TANC2: variants seen among roughly 807,000 people sequenced by gnomAD.
TANC2 encodes tetratricopeptide repeat, ankyrin repeat and coiled-coil containing 2.
A neutral mutation model predicts 210.5 loss-of-function variants in TANC2; 26 were observed. The ratio of observed to expected loss-of-function variants is 0.12; its 90% CI spans 0.09 to 0.17. The LOEUF is 0.17. Among genes scored for constraint, TANC2 ranks in the 10% least tolerant of loss-of-function variants. TANC2 has a pLI of 1.00. For missense variants in TANC2, 2,129 were observed against 2,608.9 expected, an observed-to-expected ratio of 0.82 and a Z score of 4.01; for synonymous variants, 931 against 967.1, an observed-to-expected ratio of 0.96 and a Z score of 0.69.
At chr17:63,124,603 C>G (rs2038632870) in intron 4 of TANC2, among the ~76,000 whole-genome samples, 1 of 152,188 alleles carries the variant, frequency 6.6e-6, no homozygotes, top group Non-Finnish European at 1.5e-5. Context: ...AAATACACTT[C>G]TTAGAGTTCT....
intron 9 of TANC2, among the ~76,000 whole-genome samples, chr17:63,299,268 A>G (rs1049669952): frequency 1.1e-4 from 16 of 152,146 alleles, no homozygotes; most frequent in African/African-American, 1.7e-4. Flanking sequence ...AATGATTTCT[A>G]TTCCTTTAGG....
At chr17:63,280,296 T>C (rs2044021609) in intron 9 of TANC2, among the ~76,000 whole-genome samples, 1 of 152,100 alleles carries the variant, frequency 6.6e-6, no homozygotes, top group Non-Finnish European at 1.5e-5. Context: ...CAGGATGAAA[T>C]GTACTTTTCA....
chr17:63,102,851 A>G (rs1392342940), intron 4 of TANC2, among the ~76,000 whole-genome samples: 1 of 152,160 alleles, frequency 6.6e-6, no homozygotes, highest in Admixed American at 6.5e-5. Context: ...CAGATTGAAA[A>G]TATTTTTCTT....
chr17:63,239,158 A>G (rs1011375920), intron 8 of TANC2, among the ~76,000 whole-genome samples: 6 of 152,102 alleles, frequency 3.9e-5, no homozygotes, highest in Non-Finnish European at 8.8e-5. Flanking sequence ...TAAAAAAAAA[A>G]AAAAAAGAAA....
At chr17:63,110,763 T>C (rs1217735132) in intron 4 of TANC2, among the ~76,000 whole-genome samples, 1 of 152,198 alleles carries the variant, frequency 6.6e-6, no homozygotes. Flanking sequence ...GCCTTTAAAT[T>C]TCAACACCTG....
chr17:63,208,649 A>G (rs2041794837), intron 7 of TANC2, among the ~76,000 whole-genome samples: 1 of 152,196 alleles, frequency 6.6e-6, no homozygotes, highest in Non-Finnish European at 1.5e-5. Context: ...TAATCCAGGA[A>G]TATATTTTTT....
intron 17 of TANC2, among the ~76,000 whole-genome samples, chr17:63,393,924 C>T (rs572657194): frequency 6.6e-6 from 1 of 151,954 alleles, no homozygotes; most frequent in African/African-American, 2.4e-5. Flanking sequence ...GCACCCACCA[C>T]CACACCCAGC....
chr17:63,095,014 A>AGTAATGTAG (rs1336671395), intron 3 of TANC2, among the ~76,000 whole-genome samples: 4 of 150,700 alleles, frequency 2.7e-5, no homozygotes, highest in African/African-American at 9.8e-5. Flanking sequence ...TTTTTTTTTT[A>AGTAATGTAG]ACTTCATGTT....
At chr17:63,175,073 GA>G (rs1598528939) in intron 5 of TANC2, among the ~76,000 whole-genome samples, 1 of 151,960 alleles carries the variant, frequency 6.6e-6, no homozygotes, top group Admixed American at 6.5e-5. Context: ...ATAATCCAAA[GA>G]AAAAAACTAT....
chr17:63,122,632 G>T (rs1425689217), intron 4 of TANC2, among the ~76,000 whole-genome samples: 9 of 152,104 alleles, frequency 5.9e-5, no homozygotes, highest in Admixed American at 5.9e-4. Flanking sequence ...AGCTACTTGG[G>T]TGGCACAAGA....
At chr17:63,319,372 T>A (rs2045422342) in intron 11 of TANC2, among the ~76,000 whole-genome samples, 1 of 151,992 alleles carries the variant, frequency 6.6e-6, no homozygotes, top group Admixed American at 6.6e-5. Context: ...TGAGACGGAG[T>A]TTCTCTCGGT....
chr17:63,324,794 GGTCAGT>G (rs1439943858), intron 11 of TANC2, among the ~76,000 whole-genome samples: 1 of 152,000 alleles, frequency 6.6e-6, no homozygotes, highest in African/African-American at 2.4e-5. Flanking sequence ...CACTAGAATG[GGTCAGT>G]GTTTAAATGT....
intron 2 of TANC2, among the ~76,000 whole-genome samples, chr17:63,062,673 C>G (rs1408931487): frequency 6.6e-6 from 1 of 152,124 alleles, no homozygotes; most frequent in Non-Finnish European, 1.5e-5. Flanking sequence ...CATTTTGTCT[C>G]ATTTAGATGC....
At chr17:63,069,976 T>C (rs1195173607) in intron 2 of TANC2, among the ~76,000 whole-genome samples, 1 of 152,212 alleles carries the variant, frequency 6.6e-6, no homozygotes. Context: ...AAACTTTTGC[T>C]GGGCTGCTTT....
intron 2 of TANC2, among the ~76,000 whole-genome samples, chr17:63,073,667 T>C (rs2036475611): frequency 6.6e-6 from 1 of 152,156 alleles, no homozygotes. Flanking sequence ...TGTTGATAAC[T>C]TTCCTTCATT....
At chr17:63,235,320 A>AT (rs1476398120) in intron 7 of TANC2, among the ~76,000 whole-genome samples, 1 of 151,996 alleles carries the variant, frequency 6.6e-6, no homozygotes, top group Non-Finnish European at 1.5e-5. Context: ...TAGGTTGTCT[A>AT]TTTTTTAAGA....
intron 9 of TANC2, among the ~76,000 whole-genome samples, chr17:63,311,175 C>T (rs2045113228): frequency 6.6e-6 from 1 of 152,068 alleles, no homozygotes; most frequent in South Asian, 2.1e-4. Flanking sequence ...ATAGTAAAGG[C>T]TATTTCATTG....
intron 12 of TANC2, among the ~76,000 whole-genome samples, chr17:63,347,789 T>C (rs2046462318): frequency 6.6e-6 from 1 of 152,214 alleles, no homozygotes. Context: ...TGTTTCGTTT[T>C]GTTGGGACAG....
At chr17:63,340,492 GC>G (rs2046192568) in intron 12 of TANC2, among the ~76,000 whole-genome samples, 160 bp downstream of exon 12, 1 of 149,434 alleles carries the variant, frequency 6.7e-6, no homozygotes, top group Admixed American at 6.6e-5. Flanking sequence ...GATTTTACTT[GC>G]AAAAAAAAAA....
Sources: gnomAD v4.1 joint callset for allele counts (sites outside exome capture counted in the v4.1 genomes callset) on GRCh38, gnomAD v4.1.1 for gene constraint, MANE v1.5 for transcripts, NCBI Gene and HGNC (gene_info 2026-07-23, HGNC 2026-07-21) for gene names.